The following ZDHHC4 variants were observed in gnomAD, a reference collection of about 807,000 sequenced individuals.
ZDHHC4 encodes palmitoyltransferase ZDHHC4.
Under a neutral mutation model 36.7 loss-of-function variants are expected in ZDHHC4, and 42 were observed. The observed-to-expected ratio is 1.14, with a 90% confidence interval of 0.89 to 1.48. The LOEUF is 1.48. Among genes scored for constraint, ZDHHC4 ranks in the 40% most tolerant of loss-of-function variants. ZDHHC4 has a pLI of 0.00. For missense variants in ZDHHC4, 457 were observed against 421.5 expected, an observed-to-expected ratio of 1.08 and a Z score of -0.74; for synonymous variants, 189 against 166.6, an observed-to-expected ratio of 1.13 and a Z score of -1.03.
At position 6,582,045 on chromosome 7, in the gene ZDHHC4, T is replaced by C. The variant is rs754694468; in HGVS notation, c.192-28T>C. The C allele has an allele frequency of 2.5e-6, 4 of 1,598,226 alleles. No individual in the cohort carries two copies. The South Asian group carries it at 4.5e-5, about 18-fold the overall frequency. On this transcript the variant is annotated intron_variant, in intron 4 of 7. Coordinates refer to ENST00000335965, the MANE Select transcript of ZDHHC4 (RefSeq NM_001134389.2). ...CAATTTCTTCAAGAAGAAACCCCCA[T>C]GAACAAGCCATGCCTGTTTTCTTTC... is the stretch of plus-strand genomic sequence containing the variant.
In ZDHHC4 at chr7:6,588,616, G is replaced by A; in HGVS notation, c.742-1G>A. The A allele has an allele frequency of 1.2e-6, 2 of 1,613,894 alleles. No individual in the cohort carries two copies. Among genetic ancestry groups the A allele is most frequent in the South Asian group, 1.1e-5 (1 of 91,084 alleles). ...AAGCACTACCTTTTCTCTGCTCCTA[G>A]TACCTGTTCCTGACTTTTCCACGGA... On this transcript the variant is annotated splice_acceptor_variant, in intron 7 of 7. Transcript: ENST00000335965. LOFTEE classifies it high-confidence loss of function.
chr7:6,581,738 T>A, intron 4 of ZDHHC4, 58 bp downstream of exon 4: 1 of 1,385,852 alleles, frequency 7.2e-7, no homozygotes, highest in South Asian at 1.2e-5. Context: ...TATTAATTGT[T>A]GAGATCCTCT....
intron 7 of ZDHHC4, among the ~76,000 whole-genome samples, chr7:6,585,482 G>C (rs932080865): frequency 2.0e-5 from 3 of 152,000 alleles, no homozygotes; most frequent in African/African-American, 7.2e-5. Flanking sequence ...CTGGTCTCCT[G>C]TAGAGACCTT....
chr7:6,583,338 C>T lies in ZDHHC4; in HGVS notation c.403C>T (p.Leu135Phe), dbSNP rs571465469. The T allele has an allele frequency of 6.2e-6, 10 of 1,613,738 alleles. No homozygotes were observed. In the South Asian group the frequency reaches 8.8e-5, roughly 14 times the overall value. The part of the protein sequence containing the change: ...IITKANELLF[L>F]HVYEFDEVMF... ...AACAAAAGCAAATGAATTATTATTT[C>T]TTCATGTTTATGAATTTGATGAAGT... The change falls in exon 6 of 8, where the codon CTT becomes TTT. Residue 135 changes from leucine to phenylalanine, a missense_variant. Physicochemically the swap from Leu to Phe is conservative, Grantham distance 22. Coordinates refer to ENST00000335965, the MANE Select transcript of ZDHHC4 (RefSeq NM_001134389.2).
At chr7:6,585,953 C>T (rs1781214276) in intron 7 of ZDHHC4, among the ~76,000 whole-genome samples, 1 of 151,994 alleles carries the variant, frequency 6.6e-6, no homozygotes, top group East Asian at 1.9e-4. Flanking sequence ...GAGTTCAAGA[C>T]CAGCCTGGCC....
chr7:6,585,764 C>T (rs1473486670), intron 7 of ZDHHC4, among the ~76,000 whole-genome samples: 1 of 152,130 alleles, frequency 6.6e-6, no homozygotes, highest in Non-Finnish European at 1.5e-5. Context: ...TGAGATTGCA[C>T]CACTGCACTC....
At chr7:6,583,652 C>T in intron 6 of ZDHHC4, 1 of 488,832 alleles carries the variant, frequency 2.0e-6, no homozygotes. Context: ...GCATAACAGC[C>T]CTTCCCTCGC....
chr7:6,589,208 T>C lies in ZDHHC4; in HGVS notation c.*298T>C. 1 of 383,404 alleles carries C rather than the reference T, an allele frequency of 2.6e-6. No individual in the cohort carries two copies. Among genetic ancestry groups the C allele is most frequent in the South Asian group, 2.7e-5 (1 of 37,048 alleles). 23.8% of individuals were successfully genotyped at this position (383,404 alleles called of 1,614,324 possible). ...TCTGGGCATGTGGACAGGAGGGGCTTGCGGCCGTGTCTCTGACCTGTGTGA... is the reference window on the plus strand; with the variant it reads ...TCTGGGCATGTGGACAGGAGGGGCTCGCGGCCGTGTCTCTGACCTGTGTGA... On this transcript the variant is annotated 3_prime_UTR_variant, in exon 8 of 8. Transcript: ENST00000335965.
At chr7:6,581,528 G>T in intron 3 of ZDHHC4, 79 bp from the exon 4 acceptor site, 1 of 1,079,868 alleles carries the variant, frequency 9.3e-7, no homozygotes, top group Non-Finnish European at 1.4e-6. Flanking sequence ...ATTGCCAGCT[G>T]TATGTGGAGT....
At chr7:6,586,901 C>G (rs1309587425) in intron 7 of ZDHHC4, among the ~76,000 whole-genome samples, 1 of 152,090 alleles carries the variant, frequency 6.6e-6, no homozygotes, top group East Asian at 1.9e-4. Context: ...AGTAATACTG[C>G]TGTGAACATT....
At chr7:6,578,811 T>C (rs1160980859) in intron 2 of ZDHHC4, 91 bp downstream of exon 2, 1 of 152,230 alleles carries the variant, frequency 6.6e-6, no homozygotes, top group African/African-American at 2.4e-5. Flanking sequence ...TGTTTGGTTA[T>C]CTCACTTGGC....
chr7:6,582,107 C>T lies in ZDHHC4; in HGVS notation c.226C>T (p.Gln76Ter). 1 of 1,614,086 alleles carries T rather than the reference C, an allele frequency of 6.2e-7. No homozygotes were observed. Among genetic ancestry groups the T allele is most frequent in the Non-Finnish European group, 8.5e-7 (1 of 1,179,978 alleles). Residue 76 changes from glutamine (Q) to a stop codon, truncating the protein, a stop_gained, in exon 5 of 8, where the codon CAA becomes TAA. Transcript: ENST00000335965. LOFTEE classifies it high-confidence loss of function. ...HTFIVLHLVL[Q>*]GMVYTEYTWE... ...CTTCATTGTCCTGCACCTGGTCTTG[C>T]AAGGGATGGTTTATACTGAGTACAC...
intron 7 of ZDHHC4, among the ~76,000 whole-genome samples, chr7:6,586,174 A>T (rs900969459): frequency 3.3e-5 from 5 of 152,234 alleles, no homozygotes; most frequent in African/African-American, 1.2e-4. Context: ...AAAAAAAAAA[A>T]ATTCACATAT....
intron 2 of ZDHHC4, among the ~76,000 whole-genome samples, chr7:6,580,225 T>C (rs1780744675): frequency 6.6e-6 from 1 of 152,140 alleles, no homozygotes; most frequent in African/African-American, 2.4e-5. Context: ...GGTCTCGAAC[T>C]CCTGAGCTCA....
At chr7:6,577,978 C>T (rs142170382) in intron 1 of ZDHHC4, among the ~76,000 whole-genome samples, 54 of 152,242 alleles carry the variant, frequency 3.5e-4, no homozygotes, top group Middle Eastern at 3.4e-3. Flanking sequence ...TACAGGCATG[C>T]GCCATCACGC....
chr7:6,588,197 C>A (rs1228230327), intron 7 of ZDHHC4, among the ~76,000 whole-genome samples: 1 of 152,186 alleles, frequency 6.6e-6, no homozygotes, highest in Non-Finnish European at 1.5e-5. Flanking sequence ...AGGAAAAAAA[C>A]TTCGGAAGAG....
chr7:6,587,968 C>T (rs969285217), intron 7 of ZDHHC4, among the ~76,000 whole-genome samples: 1 of 152,238 alleles, frequency 6.6e-6, no homozygotes, highest in Non-Finnish European at 1.5e-5. Flanking sequence ...CGGGTTGAAG[C>T]AATTCTTCTG....
intron 6 of ZDHHC4, 91 bp downstream of exon 6, chr7:6,583,522 G>C: frequency 6.7e-7 from 1 of 1,501,076 alleles, no homozygotes; most frequent in African/African-American, 1.4e-5. Flanking sequence ...TCCGAAAGCA[G>C]AGCCAGTTCA....
At chr7:6,584,262 G>A (rs370794670) in intron 6 of ZDHHC4, 2 of 152,072 alleles carry the variant, frequency 1.3e-5, no homozygotes, top group African/African-American at 4.8e-5. Context: ...TACATTTATA[G>A]CACATCTTGA....
Sources: allele counts gnomAD v4.1 joint callset (sites outside exome capture counted in the v4.1 genomes callset), GRCh38; gene constraint gnomAD v4.1.1; transcripts MANE v1.5; gene names NCBI Gene and HGNC (gene_info 2026-07-23, HGNC 2026-07-21).